The following MTIF3 variants were observed in gnomAD, a reference collection of about 807,000 sequenced individuals.
The protein encoded by MTIF3 is translation initiation factor IF-3, mitochondrial.
MTIF3 carries 13 observed loss-of-function variants against 20.7 expected under a neutral mutation model. That is an observed-to-expected ratio of 0.63 (90% CI 0.41 to 1.00). The LOEUF (loss-of-function observed/expected upper bound fraction) is 1.00. Among genes scored for constraint, MTIF3 ranks in the 50% least tolerant of loss-of-function variants. The pLI is 0.00. For missense variants in MTIF3, 295 were observed against 324.5 expected (o/e 0.91, Z 0.70); for synonymous variants, 114 against 112.5 (o/e 1.01, Z -0.08).
Position 27,440,294 on chromosome 13 carries a change from G to T in MTIF3, c.155C>A (p.Ala52Glu). The change falls in exon 3 of 5, where the codon GCA (alanine) becomes GAA (glutamate). Residue 52 changes from alanine to glutamate, a missense_variant. Physicochemically the swap from Ala to Glu is moderately radical, Grantham distance 107. Coordinates refer to ENST00000381120, the MANE Select transcript of MTIF3 (RefSeq NM_152912.5). Reference protein sequence around the residue: ...SAPRLSFLIHAKAFSTAEDTQ... With the variant: ...SAPRLSFLIHEKAFSTAEDTQ... ...GTCTTCAGCGGTACTAAAGGCTTTT[G>T]CATGAATTAGGAAGGAGAGTCTTGG... 6.2e-7 allele frequency: 1 copy of T among 1,614,046 alleles called. No individual in the cohort carries two copies.
intron 2 of MTIF3, among the ~76,000 whole-genome samples, chr13:27,442,728 G>A (rs1417633551): frequency 1.3e-5 from 2 of 152,058 alleles, no homozygotes; most frequent in East Asian, 3.8e-4. Flanking sequence ...CCTCGTCTCT[G>A]CTCAAACGCT....
At chr13:27,442,180 C>T (rs1241776845) in intron 2 of MTIF3, among the ~76,000 whole-genome samples, 1 of 152,218 alleles carries the variant, frequency 6.6e-6, no homozygotes, top group Non-Finnish European at 1.5e-5. Flanking sequence ...TCAGTCTTCC[C>T]TGTCTCATGT....
chr13:27,442,438 T>C (rs905741412), intron 2 of MTIF3, among the ~76,000 whole-genome samples: 16 of 152,174 alleles, frequency 1.1e-4, no homozygotes, highest in African/African-American at 3.9e-4. Context: ...TGGAGTTTAT[T>C]ACTGCTAGGG....
intron 2 of MTIF3, 76 bp from the exon 3 acceptor site, chr13:27,440,525 G>T (rs1365835931): frequency 4.1e-6 from 5 of 1,207,304 alleles, no homozygotes; most frequent in Non-Finnish European, 5.8e-6. Flanking sequence ...TACATGGCAG[G>T]GTGTGTGTGA....
chr13:27,438,931 T>C (rs893899673), intron 3 of MTIF3, among the ~76,000 whole-genome samples: 1 of 152,200 alleles, frequency 6.6e-6, no homozygotes, highest in Admixed American at 6.5e-5. Flanking sequence ...TGTGGTTTTC[T>C]GAAGGCACAC....
chr13:27,449,978 C>T (rs1156275226), intron 1 of MTIF3: 1 of 152,338 alleles, frequency 6.6e-6, no homozygotes, highest in Non-Finnish European at 1.5e-5. Context: ...CATAAGGCCT[C>T]CTCCCGCAAC....
intron 1 of MTIF3, among the ~76,000 whole-genome samples, chr13:27,447,368 AAAC>A (rs1371627292): frequency 2.0e-5 from 3 of 152,178 alleles, no homozygotes; most frequent in Non-Finnish European, 4.4e-5. Flanking sequence ...TCTGTGAGGT[AAAC>A]AACACTAGGC....
intron 1 of MTIF3, among the ~76,000 whole-genome samples, chr13:27,448,280 CT>C (rs1242986108): frequency 6.6e-6 from 1 of 152,224 alleles, no homozygotes; most frequent in Non-Finnish European, 1.5e-5. Flanking sequence ...CAAGCTCATA[CT>C]GTTATCTGTT....
At chr13:27,448,231 T>C (rs1282089210) in intron 1 of MTIF3, among the ~76,000 whole-genome samples, 3 of 152,230 alleles carry the variant, frequency 2.0e-5, no homozygotes, top group Non-Finnish European at 4.4e-5. Flanking sequence ...ACTTCTATTA[T>C]TTGTTCACTC....
rs143225064 is a variant in MTIF3 at position 27,442,623 on chromosome 13, G to A, written c.-1-2174C>T. 9.1e-3 allele frequency among the ~76,000 whole-genome samples: 1,381 copies of A among 152,180 alleles called. 13 individuals are homozygous for A. The highest frequency in any genetic ancestry group is 0.014 in the Non-Finnish European group (939 of 68,006). On this transcript the variant is annotated intron_variant, in intron 2 of 4. Transcript: ENST00000381120. ...TGTTCCAGCCTCCTTGCTGTTCCTTGTGAACAGTGAACACACCCCTCCTCT... is the reference window on the plus strand; with the variant it reads ...TGTTCCAGCCTCCTTGCTGTTCCTTATGAACAGTGAACACACCCCTCCTCT...
rs571561247 is a variant in MTIF3, at chr13:27,450,336, G to GGCAGAACCCTCCGACTCCGCA, written c.-71+152_-71+172dup. 9.0e-3 allele frequency: 1,376 copies of GGCAGAACCCTCCGACTCCGCA among 152,382 alleles called. 21 individuals carry two copies. Among genetic ancestry groups the GGCAGAACCCTCCGACTCCGCA allele is most frequent in the African/African-American group, 0.031 (1,290 of 41,562 alleles). 9.4% of individuals were successfully genotyped at this position (152,382 alleles called of 1,614,324 possible). On this transcript the variant is annotated intron_variant, in intron 1 of 4. Coordinates refer to ENST00000381120, the MANE Select transcript of MTIF3 (RefSeq NM_152912.5). ...CTCGCTGAAAATGGCTTTACAGCCC[G>GGCAGAACCCTCCGACTCCGCA]GCAGAACCCTCCGACTCCGCAGCAG... is the stretch of plus-strand genomic sequence containing the variant.
At chr13:27,435,967 T>C in intron 4 of MTIF3, 74 bp from the exon 5 acceptor site, 1 of 1,301,504 alleles carries the variant, frequency 7.7e-7, no homozygotes, top group Admixed American at 2.0e-5. Context: ...TGCTTGAACA[T>C]TCACAAAAAC....
At position 27,450,534 on chromosome 13, in the gene MTIF3, A is replaced by T. The variant is rs987572455; in HGVS notation, c.-96T>A. The T allele has an allele frequency of 6.6e-6, 1 of 152,242 alleles. No individual in the cohort carries two copies. Among genetic ancestry groups the T allele is most frequent in the East Asian group, 1.9e-4 (1 of 5,200 alleles). 9.4% of individuals were successfully genotyped at this position (152,242 alleles called of 1,614,324 possible). On this transcript the variant is annotated 5_prime_UTR_variant, in exon 1 of 5. Coordinates refer to ENST00000381120, the MANE Select transcript of MTIF3 (RefSeq NM_152912.5). ...CTGTGCTGGGGCAAGCGATTGACAT[A>T]CTGTAGCGGACGCAAGTACAGCGGA...
Position 27,437,244 on chromosome 13 carries a change from A to G in MTIF3, c.490T>C (p.Ser164Pro). The change falls in exon 4 of 5, where the codon TCT becomes CCT. Residue 164 changes from serine to proline, a missense_variant. Physicochemically the swap from Ser to Pro is moderately conservative, Grantham distance 74. Transcript: ENST00000381120. Reference sequence around the variant, plus strand: ...AAATCATGTTGTCCAATATTTGAAGACAAAATCAGTTCCTTTCTCAGGGTT... The same window carrying G: ...AAATCATGTTGTCCAATATTTGAAGGCAAAATCAGTTCCTTTCTCAGGGTT... ...GPTLRKELIL[S>P]SNIGQHDLDT... is the part of the protein sequence containing the mutation. 2 of 1,613,860 alleles carry G rather than the reference A, an allele frequency of 1.2e-6. No homozygotes were observed. The highest frequency in any genetic ancestry group is 1.7e-6 in the Non-Finnish European group (2 of 1,180,004).
At position 27,435,670 on chromosome 13, in the gene MTIF3, TA is replaced by T; in HGVS notation, c.*4del. The T allele has an allele frequency of 3.7e-6, 6 of 1,613,428 alleles. No homozygotes were observed. Among genetic ancestry groups the T allele is most frequent in the Non-Finnish European group, 5.1e-6 (6 of 1,179,620 alleles). ...TCTCTCAGAGCATGCTTTTCTTTATTAAAATTACTGATGCAGAACATTTGAT... is the reference window on the plus strand; with the variant it reads ...TCTCTCAGAGCATGCTTTTCTTTATTAAATTACTGATGCAGAACATTTGAT... On this transcript the variant is annotated 3_prime_UTR_variant, in exon 5 of 5. Coordinates refer to ENST00000381120, the MANE Select transcript of MTIF3 (RefSeq NM_152912.5).
At chr13:27,441,836 T>TA (rs1443353904) in intron 2 of MTIF3, among the ~76,000 whole-genome samples, 2 of 152,168 alleles carry the variant, frequency 1.3e-5, no homozygotes, top group Non-Finnish European at 2.9e-5. Flanking sequence ...CTGGGGTGTT[T>TA]AAAACTGGAA....
chr13:27,438,121 A>G (rs1050406736), intron 3 of MTIF3, among the ~76,000 whole-genome samples: 8 of 152,152 alleles, frequency 5.3e-5, no homozygotes, highest in African/African-American at 1.7e-4. Flanking sequence ...AGGTAGAGAA[A>G]CTGCATACAC....
At chr13:27,447,544 TTATAG>T (rs1466903007) in intron 1 of MTIF3, among the ~76,000 whole-genome samples, 2 of 152,196 alleles carry the variant, frequency 1.3e-5, no homozygotes, top group Non-Finnish European at 2.9e-5. Context: ...ATGCATAACT[TTATAG>T]TATGATATCC....
At chr13:27,447,436 T>C (rs1800408792) in intron 1 of MTIF3, among the ~76,000 whole-genome samples, 1 of 152,312 alleles carries the variant, frequency 6.6e-6, no homozygotes, top group Non-Finnish European at 1.5e-5. Flanking sequence ...GTTCTTATGA[T>C]AATCCTGTTG....
Sources: gnomAD v4.1 joint callset for allele counts (sites outside exome capture counted in the v4.1 genomes callset) on GRCh38, gnomAD v4.1.1 for gene constraint, MANE v1.5 for transcripts, NCBI Gene and HGNC (gene_info 2026-07-23, HGNC 2026-07-21) for gene names.